LIN54: variants seen among roughly 807,000 people sequenced by gnomAD.
The protein encoded by LIN54 is lin-54 DREAM MuvB core complex component.
Under a neutral mutation model 78.7 loss-of-function variants are expected in LIN54, and 9 were observed. The observed-to-expected ratio is 0.11, with a 90% confidence interval of 0.07 to 0.20. LIN54 has a LOEUF of 0.20. LIN54 is among the 10% of genes least tolerant of loss of function. The pLI, the probability that LIN54 is intolerant of heterozygous loss-of-function variation, is 1.00. For missense variants in LIN54, 573 were observed against 889.9 expected (o/e 0.64, Z 4.53); for synonymous variants, 269 against 318.4 (o/e 0.84, Z 1.65).
chr4:82,993,217 T>G (rs1727892194), intron 1 of LIN54, among the ~76,000 whole-genome samples: 1 of 59,316 alleles, frequency 1.7e-5, no homozygotes, highest in Non-Finnish European at 3.4e-5. Context: ...TTTTCTAGAA[T>G]CTTTTTTTTT....
intron 12 of LIN54, 76 bp downstream of exon 12, chr4:82,930,867 C>T (rs900463528): frequency 6.6e-6 from 9 of 1,366,098 alleles, no homozygotes; most frequent in Non-Finnish European, 9.3e-6. Context: ...AATATAAACT[C>T]AACTTTGCCC....
chr4:82,995,498 T>A (rs1412021111), intron 1 of LIN54, among the ~76,000 whole-genome samples: 1 of 133,222 alleles, frequency 7.5e-6, no homozygotes, highest in Admixed American at 7.6e-5. Flanking sequence ...TCTTTTTTTT[T>A]TTTTTTTTTT....
intron 4 of LIN54, among the ~76,000 whole-genome samples, chr4:82,958,356 G>A (rs769292830): frequency 2.0e-5 from 3 of 152,112 alleles, no homozygotes; most frequent in Non-Finnish European, 4.4e-5. Flanking sequence ...CAGTAAGGAG[G>A]GCCATGCAAC....
At chr4:82,947,225 A>T (rs866481854) in intron 4 of LIN54, among the ~76,000 whole-genome samples, 772 of 21,564 alleles carry the variant, frequency 0.036, 37 homozygotes, top group African/African-American at 0.11. Context: ...ATATATATAT[A>T]TATATATATA....
chr4:82,964,333 A>G (rs1388113379), intron 4 of LIN54, among the ~76,000 whole-genome samples: 1 of 152,156 alleles, frequency 6.6e-6, no homozygotes, highest in Non-Finnish European at 1.5e-5. Context: ...TTACAGGTGT[A>G]AGCCACCATG....
chr4:82,956,223 T>C (rs1354113329), intron 4 of LIN54, among the ~76,000 whole-genome samples: 4 of 152,042 alleles, frequency 2.6e-5, no homozygotes, highest in Admixed American at 6.6e-5. Flanking sequence ...AGTGCTGGGA[T>C]TACAGGCGTG....
chr4:83,009,457 A>G (rs1330650850), intron 1 of LIN54, among the ~76,000 whole-genome samples: 2 of 152,330 alleles, frequency 1.3e-5, no homozygotes, highest in East Asian at 3.9e-4. Flanking sequence ...GTCCAAATTA[A>G]TGTATAAAAA....
Position 82,984,468 on chromosome 4 carries a change from A to C in LIN54, c.377T>G (p.Leu126Arg), listed in dbSNP as rs1313208399. Residue 126 changes from leucine (L) to arginine (R), a missense_variant, in exon 2 of 13, where the codon CTT becomes CGT. Transcript: ENST00000340417. ...ILNKVSQTSD[L>R]KLGNQTLKPD... ...TTTAAGGGTCTGATTGCCAAGTTTA[A>C]GATCAGATGTCTGTGATACTTTGTT... 6.2e-7 allele frequency: 1 copy of C among 1,614,244 alleles called. No homozygotes were observed. Among genetic ancestry groups the C allele is most frequent in the Non-Finnish European group, 8.5e-7 (1 of 1,180,046 alleles).
At chr4:82,993,907 C>T (rs537970637) in intron 1 of LIN54, among the ~76,000 whole-genome samples, 2 of 152,002 alleles carry the variant, frequency 1.3e-5, no homozygotes, top group Admixed American at 6.6e-5. Flanking sequence ...TGAGCCACTA[C>T]GCCTGGCCTG....
chr4:82,984,809 A>G lies in LIN54; in HGVS notation c.36T>C (p.Leu12=). Residue 12 remains leucine (L), a synonymous_variant, in exon 2 of 13, where the codon CTT becomes CTC. Transcript: ENST00000340417. ...TACCAGTGTCCATTATTTCCTCTGG[A>G]AGCAAACTATTCACCTCAGCTGGCA... is the stretch of plus-strand genomic sequence containing the variant. ...EVVPAEVNSL[L]PEEIMDTGIT... 1 of 1,613,502 alleles carries G rather than the reference A, an allele frequency of 6.2e-7. No homozygotes were observed. Among genetic ancestry groups the G allele is most frequent in the South Asian group, 1.1e-5 (1 of 91,076 alleles).
At chr4:82,953,146 G>A (rs6837792) in intron 4 of LIN54, among the ~76,000 whole-genome samples, 82,284 of 151,872 alleles carry the variant, frequency 0.54, 24,116 homozygotes, top group East Asian at 0.78. Context: ...GCATCACTAC[G>A]CCCAGCTAAT....
chr4:82,957,940 C>T (rs957985879), intron 4 of LIN54, among the ~76,000 whole-genome samples: 4 of 152,126 alleles, frequency 2.6e-5, no homozygotes, highest in Non-Finnish European at 4.4e-5. Context: ...AGAAGGAATA[C>T]CAGGACTTCT....
chr4:82,947,213 A>ATG (rs1723430200), intron 4 of LIN54, among the ~76,000 whole-genome samples: 1 of 8,086 alleles, frequency 1.2e-4, no homozygotes, highest in Non-Finnish European at 3.1e-4. Flanking sequence ...AAATTTATAT[A>ATG]TATATATATA....
At chr4:82,938,070 GAGCTGAGATCACAGC>G (rs1021600215) in intron 8 of LIN54, among the ~76,000 whole-genome samples, 15 of 152,130 alleles carry the variant, frequency 9.9e-5, no homozygotes, top group African/African-American at 3.6e-4. Flanking sequence ...AGGTTGCAGT[GAGCTGAGATCACAGC>G]ACTGCACTCC....
At chr4:82,991,688 T>A (rs1373075783) in intron 1 of LIN54, among the ~76,000 whole-genome samples, 1 of 152,218 alleles carries the variant, frequency 6.6e-6, no homozygotes, top group African/African-American at 2.4e-5. Flanking sequence ...TGAGGTTTTT[T>A]AAAAAATCAT....
rs143757007 is a variant in LIN54 at position 82,969,098 on chromosome 4, C to T, written c.951+1229G>A. ...GAAACCGTCCATCTAACCTTAGCAC[C>T]CTCGGCTCTCACACTGCAAAAATCA... On this transcript the variant is annotated intron_variant, in intron 4 of 12. Coordinates refer to ENST00000340417, the MANE Select transcript of LIN54 (RefSeq NM_194282.4). Among the ~76,000 whole-genome samples the T allele has an allele frequency of 3.8e-3, 572 of 152,310 alleles. 1 individual carries two copies. The highest frequency in any genetic ancestry group is 0.013 in the African/African-American group (542 of 41,566).
At position 82,925,664 on chromosome 4, in the gene LIN54, TTAAA is replaced by T. The variant is rs1721405680; in HGVS notation, c.*2434_*2437del. The T allele has an allele frequency of 6.6e-6, 1 of 152,662 alleles. No individual in the cohort carries two copies. Among genetic ancestry groups the T allele is most frequent in the South Asian group, 2.1e-4 (1 of 4,838 alleles). The allele number at this position is 152,662 out of a possible 1,614,324, so 9.5% of individuals were successfully genotyped here. A position where few individuals can be genotyped will look rare whatever the true frequency, so the allele number is the denominator to read the frequency against. ...GATAATTTAAAAGGTTTTTTGCATA[TTAAA>T]TGGTTAATAAAGTGGTGTTATTATA... On this transcript the variant is annotated 3_prime_UTR_variant, in exon 13 of 13. Coordinates refer to ENST00000340417, the MANE Select transcript of LIN54 (RefSeq NM_194282.4).
intron 1 of LIN54, among the ~76,000 whole-genome samples, chr4:83,002,341 C>T (rs1170161504): frequency 6.7e-6 from 1 of 148,574 alleles, no homozygotes; most frequent in Non-Finnish European, 1.5e-5. Context: ...GAGTTCAAGA[C>T]CAGCAACATA....
intron 4 of LIN54, among the ~76,000 whole-genome samples, chr4:82,960,910 T>A (rs1427267626): frequency 6.6e-6 from 1 of 151,748 alleles, no homozygotes; most frequent in Non-Finnish European, 1.5e-5. Context: ...AAAATACAAA[T>A]ATTAGCTGGG....
Sources: allele counts gnomAD v4.1 joint callset (sites outside exome capture counted in the v4.1 genomes callset), GRCh38; gene constraint gnomAD v4.1.1; transcripts MANE v1.5; gene names NCBI Gene and HGNC (gene_info 2026-07-23, HGNC 2026-07-21).